Variants in PNPLA5 observed in about 807,000 individuals in gnomAD.
PNPLA5 encodes patatin-like phospholipase domain-containing protein 5.
PNPLA5 carries 44 observed loss-of-function variants against 49.1 expected under a neutral mutation model. That is an observed-to-expected ratio of 0.90 (90% CI 0.70 to 1.15). PNPLA5 has a LOEUF of 1.15. Among genes scored for constraint, PNPLA5 ranks in the 50% most tolerant of loss-of-function variants. The pLI, the probability that PNPLA5 is intolerant of heterozygous loss-of-function variation, is 0.00. For missense variants in PNPLA5, 603 were observed against 564.0 expected, an observed-to-expected ratio of 1.07 and a Z score of -0.70; for synonymous variants, 243 against 244.4, an observed-to-expected ratio of 0.99 and a Z score of 0.06.
chr22:43,886,747 T>A (rs939703736), intron 5 of PNPLA5, among the ~76,000 whole-genome samples: 1 of 152,208 alleles, frequency 6.6e-6, no homozygotes, highest in Non-Finnish European at 1.5e-5. Context: ...CTCCACCACC[T>A]GCAAGCTATG....
rs891405740 is a variant in PNPLA5, at chr22:43,891,046, A to T, written c.426+16T>A. On this transcript the variant is annotated intron_variant, in intron 2 of 8. Coordinates refer to ENST00000216177, the MANE Select transcript of PNPLA5 (RefSeq NM_138814.4). ...CCCGCCCACCAGCCAAGCCCTGGGC[A>T]CCCCCCGCCCCACACCTGGATGAGC... The T allele has an allele frequency of 6.3e-7, 1 of 1,597,632 alleles. No individual in the cohort carries two copies. The highest frequency in any genetic ancestry group is 1.3e-5 in the African/African-American group (1 of 74,788).
Position 43,891,680 on chromosome 22 carries a change from G to A in PNPLA5, c.193+8C>T. 1 of 1,544,310 alleles carries A rather than the reference G, an allele frequency of 6.5e-7. No homozygotes were observed. Among genetic ancestry groups the A allele is most frequent in the Non-Finnish European group, 8.7e-7 (1 of 1,145,366 alleles). On this transcript the variant is annotated splice_region_variant and intron_variant, in intron 1 of 8. Coordinates refer to ENST00000216177, the MANE Select transcript of PNPLA5 (RefSeq NM_138814.4). ...CGCCCCTTTTCGCCCCCGCGGTCCG[G>A]GACTCACCGACCGACTTGCCGCAGA... is the stretch of plus-strand genomic sequence containing the variant.
intron 4 of PNPLA5, among the ~76,000 whole-genome samples, chr22:43,888,981 C>A (rs1176963961): frequency 6.6e-6 from 1 of 152,202 alleles, no homozygotes; most frequent in Admixed American, 6.5e-5. Context: ...TGAACCATAG[C>A]ATCCTCCCCT....
chr22:43,884,958 TCA>T (rs35518480), intron 6 of PNPLA5, among the ~76,000 whole-genome samples: 14 of 152,164 alleles, frequency 9.2e-5, no homozygotes, highest in Non-Finnish European at 1.8e-4. Flanking sequence ...TTACAAGGAT[TCA>T]CAGATAGCAC....
intron 6 of PNPLA5, 34 bp from the exon 7 acceptor site, chr22:43,884,379 C>T (rs1244283189): frequency 4.0e-6 from 6 of 1,506,688 alleles, no homozygotes; most frequent in Non-Finnish European, 5.3e-6. Context: ...CCCTGCCCAC[C>T]TGAAGTCTGT....
rs2049597998 is a variant in PNPLA5 at position 43,880,580 on chromosome 22, G to C, written c.*215C>G. ...TGTGGCTGTCCTCCTTTCTCTCCCT[G>C]ATGAGACGGGGCAAGAGGGAGGGCA... is the stretch of plus-strand genomic sequence containing the variant. On this transcript the variant is annotated 3_prime_UTR_variant, in exon 9 of 9. Coordinates refer to ENST00000216177, the MANE Select transcript of PNPLA5 (RefSeq NM_138814.4). 2.4e-6 allele frequency: 1 copy of C among 412,604 alleles called. No individual in the cohort carries two copies. The allele number at this position is 412,604 out of a possible 1,614,324, so 25.6% of individuals were successfully genotyped here.
At chr22:43,884,492 C>A in intron 6 of PNPLA5, 147 bp from the exon 7 acceptor site, 1 of 1,162,204 alleles carries the variant, frequency 8.6e-7, no homozygotes, top group South Asian at 2.2e-5. Context: ...CACCACAGGC[C>A]AGCAGGTAGC....
intron 1 of PNPLA5, 56 bp from the exon 2 acceptor site, chr22:43,891,350 T>A: frequency 6.7e-7 from 1 of 1,498,446 alleles, no homozygotes; most frequent in Non-Finnish European, 8.8e-7. Flanking sequence ...TGCCAGTCCC[T>A]CCACACCCCC....
intron 5 of PNPLA5, among the ~76,000 whole-genome samples, chr22:43,886,924 G>A (rs2148328488): frequency 6.6e-6 from 1 of 152,214 alleles, no homozygotes; most frequent in Admixed American, 6.5e-5. Context: ...TGTGTTTTTG[G>A]TTGTAACGTA....
At chr22:43,888,265 G>A (rs996064505) in intron 4 of PNPLA5, among the ~76,000 whole-genome samples, 1 of 152,032 alleles carries the variant, frequency 6.6e-6, no homozygotes, top group African/African-American at 2.4e-5. Flanking sequence ...GGTGTGGGGA[G>A]TACCGGAGTA....
intron 7 of PNPLA5, among the ~76,000 whole-genome samples, chr22:43,882,862 G>C (rs541938697): frequency 1.3e-5 from 2 of 152,246 alleles, no homozygotes; most frequent in Non-Finnish European, 2.9e-5. Flanking sequence ...CCTTCTTCCA[G>C]AGAATTTTTG....
rs1464635997 is a variant in PNPLA5 at position 43,889,361 on chromosome 22, C to T, written c.670G>A (p.Gly224Arg). 3 of 1,613,860 alleles carry T rather than the reference C, an allele frequency of 1.9e-6. No individual in the cohort carries two copies. In the African/African-American group the frequency reaches 4.0e-5, roughly 22 times the overall value. ...FQISTENFFLGLICLIPPSLE... is the reference protein window; with the variant it reads ...FQISTENFFLRLICLIPPSLE... ...CTGGGGGGTATGAGACATATGAGCC[C>T]CAGGAAGAAGTTCTCAGTGGAGATT... Residue 224 changes from glycine (G) to arginine (R), a missense_variant, in exon 4 of 9, where the codon GGG becomes AGG. By Grantham distance (125) the Gly-to-Arg change is moderately radical (BLOSUM62 -2). Coordinates refer to ENST00000216177, the MANE Select transcript of PNPLA5 (RefSeq NM_138814.4).
At position 43,891,260 on chromosome 22, in the gene PNPLA5, C is replaced by G; in HGVS notation, c.228G>C (p.Gly76=). 2 of 1,556,406 alleles carry G rather than the reference C, an allele frequency of 1.3e-6. No individual in the cohort carries two copies. Among genetic ancestry groups the G allele is most frequent in the Non-Finnish European group, 1.7e-6 (2 of 1,150,340 alleles). Residue 76 remains glycine, a synonymous_variant, in exon 2 of 9, where the codon GGG becomes GGC. Coordinates refer to ENST00000216177, the MANE Select transcript of PNPLA5 (RefSeq NM_138814.4). ...FCCSHLLGMV[G]QLERLSLSIL... is the part of the protein sequence containing the mutation. Reference sequence around the variant, plus strand: ...TGCTTAGGCTCAGCCGCTCCAACTGCCCAACCATGCCCAGGAGGTGGGAGC... The same window carrying G: ...TGCTTAGGCTCAGCCGCTCCAACTGGCCAACCATGCCCAGGAGGTGGGAGC...
intron 6 of PNPLA5, among the ~76,000 whole-genome samples, chr22:43,885,290 A>AAGGGGCCCCCTTCCTCATCCCCTTGCCC (rs2049651676): frequency 6.6e-6 from 1 of 151,962 alleles, no homozygotes. Flanking sequence ...CCGGCATGGA[A>AAGGGGCCCCCTTCCTCATCCCCTTGCCC]AGGGGCCCCC....
In PNPLA5 at chr22:43,891,733, A is replaced by G. The variant is rs1414308890; in HGVS notation, c.148T>C (p.Ser50Pro). ...ATGCTGACTGCGTTGAGCGCCCCAGACGAGGAACCGTAGATGCGGCGGGCG... is the reference window on the plus strand; with the variant it reads ...ATGCTGACTGCGTTGAGCGCCCCAGGCGAGGAACCGTAGATGCGGCGGGCG... The part of the protein sequence containing the change: ...QGARRIYGSS[S>P]GALNAVSIVC... The change falls in exon 1 of 9, where the codon TCT becomes CCT. Residue 50 changes from serine to proline, a missense_variant. Ser to Pro is a moderately conservative substitution (Grantham distance 74, BLOSUM62 -1). Coordinates refer to ENST00000216177, the MANE Select transcript of PNPLA5 (RefSeq NM_138814.4). 3.2e-6 allele frequency: 5 copies of G among 1,547,274 alleles called. No homozygotes were observed. The highest frequency in any genetic ancestry group is 2.0e-5 in the Admixed American group (1 of 50,366).
intron 4 of PNPLA5, 81 bp downstream of exon 4, chr22:43,889,248 G>A: frequency 6.7e-7 from 1 of 1,499,716 alleles, no homozygotes; most frequent in South Asian, 1.2e-5. Context: ...GGGGCAGTGG[G>A]GGTTAGGAGC....
chr22:43,883,527 G>A (rs1186309191), intron 7 of PNPLA5, among the ~76,000 whole-genome samples: 2 of 152,236 alleles, frequency 1.3e-5, no homozygotes, highest in Non-Finnish European at 2.9e-5. Flanking sequence ...TACAGAAAAG[G>A]AACCTGTAGC....
chr22:43,883,726 G>A (rs1319628859), intron 7 of PNPLA5, among the ~76,000 whole-genome samples: 2 of 151,860 alleles, frequency 1.3e-5, no homozygotes, highest in Non-Finnish European at 2.9e-5. Context: ...CAGGAGAATC[G>A]CTTGAACCTG....
At chr22:43,890,963 G>A (rs770956441) in intron 2 of PNPLA5, 99 bp downstream of exon 2, 18 of 1,423,314 alleles carry the variant, frequency 1.3e-5, no homozygotes, top group Middle Eastern at 1.8e-4. Flanking sequence ...CCCTCCTTCC[G>A]CCCCTGCAGA....
Sources: allele counts gnomAD v4.1 joint callset (sites outside exome capture counted in the v4.1 genomes callset), GRCh38; gene constraint gnomAD v4.1.1; transcripts MANE v1.5; gene names NCBI Gene and HGNC (gene_info 2026-07-23, HGNC 2026-07-21).